CCDC60: variants seen among roughly 807,000 people sequenced by gnomAD.
CCDC60 encodes coiled-coil domain containing 60, also known as coiled-coil domain-containing protein 60.
A neutral mutation model predicts 63.5 loss-of-function variants in CCDC60; 54 were observed. The observed-to-expected ratio is 0.85, with a 90% CI of 0.68 to 1.07. The LOEUF (loss-of-function observed/expected upper bound fraction) is 1.07. Among genes scored for constraint, CCDC60 ranks in the 50% least tolerant of loss-of-function variants. The probability of loss-of-function intolerance (pLI) is 0.00; values close to 1 mark genes in which losing one functional copy is unlikely to be tolerated. For synonymous variants in CCDC60, 206 were observed against 238.8 expected (o/e 0.86, Z 1.27); for missense variants, 651 against 684.3 (o/e 0.95, Z 0.54).
At chr12:119,472,787 T>C (rs1283581542) in intron 3 of CCDC60, among the ~76,000 whole-genome samples, 1 of 152,008 alleles carries the variant, frequency 6.6e-6, no homozygotes, top group Non-Finnish European at 1.5e-5. Context: ...TTCACTGTGT[T>C]GGCCAGGCTG....
chr12:119,478,761 C>T (rs188020271), intron 3 of CCDC60, among the ~76,000 whole-genome samples: 10 of 152,200 alleles, frequency 6.6e-5, no homozygotes, highest in Non-Finnish European at 1.2e-4. Flanking sequence ...GCACTTGCCA[C>T]CACGCCCAGC....
Position 119,500,143 on chromosome 12 carries a change from G to T in CCDC60, c.623G>T (p.Trp208Leu). 6.2e-7 allele frequency: 1 copy of T among 1,610,598 alleles called. No homozygotes were observed. Among genetic ancestry groups the T allele is most frequent in the South Asian group, 1.1e-5 (1 of 90,376 alleles). The change falls in exon 6 of 14, where the codon TGG becomes TTG. Residue 208 changes from tryptophan (W) to leucine (L), a missense_variant. By Grantham distance (61) the Trp-to-Leu change is moderately conservative (BLOSUM62 -2). Transcript: ENST00000327554. Reference sequence around the variant, plus strand: ...AAGGACAAGTCCATGGGACAGAAATGGGAGCATTTCATCACAGCGCCAAAG... The same window carrying T: ...AAGGACAAGTCCATGGGACAGAAATTGGAGCATTTCATCACAGCGCCAAAG... ...INKDKSMGQK[W>L]EHFITAPKTK...
chr12:119,508,699 T>C (rs1036617896), intron 7 of CCDC60, among the ~76,000 whole-genome samples: 2 of 152,166 alleles, frequency 1.3e-5, no homozygotes, highest in Non-Finnish European at 2.9e-5. Flanking sequence ...GCAGGGCCTT[T>C]GTGGAGCAAG....
intron 1 of CCDC60, among the ~76,000 whole-genome samples, chr12:119,345,566 G>T (rs767052522): frequency 1.7e-4 from 26 of 151,990 alleles, no homozygotes; most frequent in Non-Finnish European, 3.5e-4. Context: ...GTTTAGATGG[G>T]ACATAGAAAG....
chr12:119,429,200 A>G (rs947287465), intron 2 of CCDC60, among the ~76,000 whole-genome samples: 2 of 152,158 alleles, frequency 1.3e-5, no homozygotes, highest in Non-Finnish European at 1.5e-5. Flanking sequence ...AATGAGAATA[A>G]TAGGAGGTTG....
At chr12:119,527,843 AT>A (rs544729532) in intron 11 of CCDC60, among the ~76,000 whole-genome samples, 7 of 149,036 alleles carry the variant, frequency 4.7e-5, no homozygotes, top group East Asian at 2.0e-4. Flanking sequence ...CGCCCGGCTA[AT>A]TTTTTTTTGT....
At position 119,462,514 on chromosome 12, in the gene CCDC60, T is replaced by A. The variant is rs892222882; in HGVS notation, c.171-9480T>A. On this transcript the variant is annotated intron_variant, in intron 2 of 13. Transcript: ENST00000327554. ...TCTGCCTGTCTCACTTTAAAAAAAA[T>A]TTTCTTGTTTCTAATTCTTTTTAGA... 5.9e-5 allele frequency among the ~76,000 whole-genome samples: 9 copies of A among 152,296 alleles called. No individual in the cohort carries two copies. The East Asian group carries it at 7.7e-4, about 13-fold the overall frequency.
At position 119,429,334 on chromosome 12, in the gene CCDC60, A is replaced by G. The variant is rs1465949625; in HGVS notation, c.170+572A>G. ...TCCTCCCTGATGACTGAGGCCCAGG[A>G]CCATGTTTCAGCCATCTCTGTCTAG... On this transcript the variant is annotated intron_variant, in intron 2 of 13. Transcript: ENST00000327554. Among the ~76,000 whole-genome samples, 5 of 152,100 alleles carry G rather than the reference A, an allele frequency of 3.3e-5. 1 individual carries two copies. Among genetic ancestry groups the G allele is most frequent in the Middle Eastern group, 6.8e-3 (2 of 292 alleles).
At chr12:119,348,372 C>G (rs1467823947) in intron 1 of CCDC60, among the ~76,000 whole-genome samples, 1 of 152,188 alleles carries the variant, frequency 6.6e-6, no homozygotes, top group Non-Finnish European at 1.5e-5. Flanking sequence ...CAACAAACAG[C>G]CTTCCCAGTC....
intron 4 of CCDC60, among the ~76,000 whole-genome samples, chr12:119,480,297 A>G (rs1468330033): frequency 6.6e-6 from 1 of 152,108 alleles, no homozygotes; most frequent in Non-Finnish European, 1.5e-5. Flanking sequence ...AAACTCACCT[A>G]TTCAGGGTCA....
At chr12:119,443,554 A>G (rs1950485010) in intron 2 of CCDC60, among the ~76,000 whole-genome samples, 1 of 152,178 alleles carries the variant, frequency 6.6e-6, no homozygotes, top group Non-Finnish European at 1.5e-5. Flanking sequence ...GCAACCTACA[A>G]GAGTTCAAAG....
At chr12:119,401,186 C>T (rs1369501072) in intron 1 of CCDC60, among the ~76,000 whole-genome samples, 4 of 152,314 alleles carry the variant, frequency 2.6e-5, no homozygotes, top group Middle Eastern at 3.4e-3. Flanking sequence ...TACCCAGGTC[C>T]GTGTGATGTC....
intron 2 of CCDC60, among the ~76,000 whole-genome samples, chr12:119,455,290 G>A (rs1346930534): frequency 6.6e-6 from 1 of 152,194 alleles, no homozygotes; most frequent in Non-Finnish European, 1.5e-5. Flanking sequence ...ACCAAGTGCT[G>A]ATAGCCTTCT....
At chr12:119,511,037 C>G (rs1165562579) in intron 7 of CCDC60, among the ~76,000 whole-genome samples, 1 of 152,134 alleles carries the variant, frequency 6.6e-6, no homozygotes. Context: ...AAGTGTGCAA[C>G]AGTAACATCT....
At chr12:119,367,975 T>A (rs1347338630) in intron 1 of CCDC60, among the ~76,000 whole-genome samples, 1 of 151,874 alleles carries the variant, frequency 6.6e-6, no homozygotes, top group Non-Finnish European at 1.5e-5. Flanking sequence ...TGTGAGTCTC[T>A]TAAAAACTTT....
intron 2 of CCDC60, among the ~76,000 whole-genome samples, chr12:119,436,804 T>G (rs902030034): frequency 6.6e-6 from 1 of 152,206 alleles, no homozygotes; most frequent in Non-Finnish European, 1.5e-5. Context: ...CCCAGAGTGC[T>G]GGGATTACAG....
At chr12:119,387,139 C>T (rs915543999) in intron 1 of CCDC60, among the ~76,000 whole-genome samples, 4 of 151,724 alleles carry the variant, frequency 2.6e-5, no homozygotes, top group African/African-American at 7.3e-5. Flanking sequence ...GCTTTGTTTA[C>T]GCAGGCTAGG....
chr12:119,393,657 C>T (rs1199381329), intron 1 of CCDC60, among the ~76,000 whole-genome samples: 2 of 152,210 alleles, frequency 1.3e-5, no homozygotes, highest in Non-Finnish European at 1.5e-5. Context: ...ACAGGGAAAG[C>T]TTTGCAAATG....
Position 119,382,811 on chromosome 12 carries a change from A to G in CCDC60, c.91-45872A>G, listed in dbSNP as rs142660361. 9.8e-3 allele frequency among the ~76,000 whole-genome samples: 1,491 copies of G among 152,308 alleles called. 12 individuals carry two copies. The highest frequency in any genetic ancestry group is 0.054 in the Middle Eastern group (16 of 294). ...TGTGATTATGTTTCATGTTTCCCCA[A>G]ACATGCCGGGCCACCAAGCTGTGAC... On this transcript the variant is annotated intron_variant, in intron 1 of 13. Coordinates refer to ENST00000327554, the MANE Select transcript of CCDC60 (RefSeq NM_178499.5).
Sources: gnomAD v4.1 joint callset for allele counts (sites outside exome capture counted in the v4.1 genomes callset) on GRCh38, gnomAD v4.1.1 for gene constraint, MANE v1.5 for transcripts, NCBI Gene and HGNC (gene_info 2026-07-23, HGNC 2026-07-21) for gene names.